The following ANKRD31 variants were observed in gnomAD, a reference collection of about 807,000 sequenced individuals.
ANKRD31 encodes ankyrin repeat domain 31.
ANKRD31 carries 147 observed loss-of-function variants against 186.0 expected under a neutral mutation model. The ratio of observed to expected loss-of-function variants is 0.79; its 90% CI spans 0.69 to 0.91. ANKRD31 has a LOEUF of 0.91. Among genes scored for constraint, ANKRD31 ranks in the 40% least tolerant of loss-of-function variants. ANKRD31 has a pLI of 0.00. For missense variants in ANKRD31, 1,986 were observed against 2,148.8 expected (o/e 0.92, Z 1.50); for synonymous variants, 673 against 736.4 (o/e 0.91, Z 1.39).
At chr5:75,138,271 C>T (rs1479136541) in intron 16 of ANKRD31, among the ~76,000 whole-genome samples, 1 of 152,108 alleles carries the variant, frequency 6.6e-6, no homozygotes, top group Non-Finnish European at 1.5e-5. Flanking sequence ...GTAAATACTA[C>T]TCATTTTGAT....
intron 2 of ANKRD31, among the ~76,000 whole-genome samples, chr5:75,229,939 T>C (rs1757852814): frequency 6.6e-6 from 1 of 151,542 alleles, no homozygotes; most frequent in African/African-American, 2.4e-5. Context: ...AATTTGTATG[T>C]TCTCCCCATG....
chr5:75,129,903 G>C (rs1272968055), intron 17 of ANKRD31, among the ~76,000 whole-genome samples: 1 of 152,158 alleles, frequency 6.6e-6, no homozygotes, highest in Non-Finnish European at 1.5e-5. Flanking sequence ...ATGACAGATG[G>C]TACCTGGAAA....
At chr5:75,212,964 A>G (rs373655841) in intron 3 of ANKRD31, among the ~76,000 whole-genome samples, 38 of 152,230 alleles carry the variant, frequency 2.5e-4, no homozygotes, top group African/African-American at 8.9e-4. Flanking sequence ...TGGGGGCTGG[A>G]GATGTTAATT....
intron 25 of ANKRD31, among the ~76,000 whole-genome samples, chr5:75,074,013 T>C (rs1333004272): frequency 1.3e-5 from 2 of 152,234 alleles, no homozygotes; most frequent in African/African-American, 4.8e-5. Context: ...TTTAGTATTC[T>C]ACAGGCATGG....
rs1361226119 is a variant in ANKRD31 at position 75,147,112 on chromosome 5, G to T, written c.2299C>A (p.Gln767Lys). 2 of 1,536,334 alleles carry T rather than the reference G, an allele frequency of 1.3e-6. No individual in the cohort carries two copies. Among genetic ancestry groups the T allele is most frequent in the South Asian group, 2.4e-5 (2 of 84,032 alleles). ...RRINRLVTYQ[Q>K]HIPETHNDLP... Reference sequence around the variant, plus strand: ...TCATTATGAGTTTCTGGAATATGCTGCTGATAGGTAACCAATCTGTTTATT... The same window carrying T: ...TCATTATGAGTTTCTGGAATATGCTTCTGATAGGTAACCAATCTGTTTATT... The change falls in exon 14 of 26, where the codon CAG becomes AAG. Residue 767 changes from glutamine (Q) to lysine (K), a missense_variant. By Grantham distance (53) the Gln-to-Lys change is moderately conservative. Transcript: ENST00000506364.
intron 10 of ANKRD31, among the ~76,000 whole-genome samples, chr5:75,187,024 T>A (rs1261923904): frequency 2.8e-5 from 3 of 106,930 alleles, no homozygotes; most frequent in Non-Finnish European, 5.1e-5. Context: ...AGACACAGAG[T>A]GTGTGTGTGT....
intron 9 of ANKRD31, 130 bp downstream of exon 9, chr5:75,192,537 A>G (rs1219778758): frequency 1.4e-6 from 1 of 697,394 alleles, no homozygotes. Context: ...TCTGGGAAAA[A>G]CCCTTAACCT....
In ANKRD31 at chr5:75,105,186, A is replaced by C. The variant is rs1366300964; in HGVS notation, c.4373T>G (p.Leu1458Arg). 8 of 1,532,094 alleles carry C rather than the reference A, an allele frequency of 5.2e-6. No individual in the cohort carries two copies. The highest frequency in any genetic ancestry group is 7.0e-6 in the Non-Finnish European group (8 of 1,145,268). 94.9% of individuals were successfully genotyped at this position (1,532,094 alleles called of 1,614,324 possible). A position where few individuals can be genotyped will look rare whatever the true frequency, so the allele number is the denominator to read the frequency against. ...AGCCAAGTTGGCCAATTGTTCTCTC[A>C]GGGCTCCATGCTTAAATGACTCTAT... ...VSIESFKHGA[L>R]REQLANLAAR... The change falls in exon 22 of 26, where the codon CTG becomes CGG. Residue 1458 changes from leucine to arginine, a missense_variant. Coordinates refer to ENST00000506364, the MANE Select transcript of ANKRD31 (RefSeq NM_001372053.1).
At chr5:75,144,497 A>T (rs1408469768) in intron 14 of ANKRD31, among the ~76,000 whole-genome samples, 1 of 152,162 alleles carries the variant, frequency 6.6e-6, no homozygotes, top group East Asian at 1.9e-4. Context: ...TGGGGAAAGG[A>T]TTCCCTATTT....
At chr5:75,122,141 A>G (rs1302394816) in intron 17 of ANKRD31, among the ~76,000 whole-genome samples, 1 of 152,116 alleles carries the variant, frequency 6.6e-6, no homozygotes, top group Non-Finnish European at 1.5e-5. Flanking sequence ...AACTGATACC[A>G]CAGAGATACA....
In ANKRD31 at chr5:75,097,496, T is replaced by C. The variant is rs185496295; in HGVS notation, c.5332-6095A>G. Among the ~76,000 whole-genome samples the C allele has an allele frequency of 1.8e-3, 281 of 152,344 alleles. 1 individual carries two copies. Among genetic ancestry groups the C allele is most frequent in the Middle Eastern group, 0.01 (3 of 294 alleles). On this transcript the variant is annotated intron_variant, in intron 22 of 25. Coordinates refer to ENST00000506364, the MANE Select transcript of ANKRD31 (RefSeq NM_001372053.1). ...GTCTGTTCATATCCTTCACCCACTT[T>C]TTCATGGGGTTGATTTTTTCTTGTA...
chr5:75,176,235 G>A (rs1459489066), intron 10 of ANKRD31, among the ~76,000 whole-genome samples: 1 of 152,208 alleles, frequency 6.6e-6, no homozygotes, highest in East Asian at 1.9e-4. Flanking sequence ...AAGCGGCCAG[G>A]AAGCTCGAAC....
chr5:75,188,626 T>G lies in ANKRD31; in HGVS notation c.1431A>C (p.Ile477=), dbSNP rs188050503. Residue 477 remains isoleucine, a synonymous_variant, in exon 10 of 26, where the codon ATA becomes ATC. Transcript: ENST00000506364. ...GKKEKMKVNK[I]SLHSINRRNI... ...TTCTCCGGTTAATGCTATGAAGAGA[T>G]ATTTTGTTCACCTTCATTTTTTCTG... is the stretch of plus-strand genomic sequence containing the variant. 7.5e-5 allele frequency: 114 copies of G among 1,529,946 alleles called. No individual in the cohort carries two copies. Among genetic ancestry groups the G allele is most frequent in the Admixed American group, 1.0e-4 (5 of 49,470 alleles). The allele number at this position is 1,529,946 out of a possible 1,614,324, so 94.8% of individuals were successfully genotyped here. A position where few individuals can be genotyped will look rare whatever the true frequency, so the allele number is the denominator to read the frequency against.
At chr5:75,083,923 T>C (rs966256050) in intron 24 of ANKRD31, among the ~76,000 whole-genome samples, 4 of 152,216 alleles carry the variant, frequency 2.6e-5, no homozygotes, top group Admixed American at 6.5e-5. Flanking sequence ...GGGTCACATA[T>C]ATTGATTTCA....
chr5:75,107,653 G>A lies in ANKRD31; in HGVS notation c.4244-36C>T, dbSNP rs753762043. On this transcript the variant is annotated intron_variant, in intron 20 of 25. Coordinates refer to ENST00000506364, the MANE Select transcript of ANKRD31 (RefSeq NM_001372053.1). ...GACAATAAAAAGTTAGCTAACTGAGGGAGAGTGAATGTCAAATTTGGTCAT... is the reference window on the plus strand; with the variant it reads ...GACAATAAAAAGTTAGCTAACTGAGAGAGAGTGAATGTCAAATTTGGTCAT... 2.2e-6 allele frequency: 3 copies of A among 1,338,888 alleles called. No homozygotes were observed. In the South Asian group the frequency reaches 4.1e-5, roughly 18 times the overall value. 82.9% of individuals were successfully genotyped at this position (1,338,888 alleles called of 1,614,324 possible).
At chr5:75,191,274 T>C (rs1222538664) in intron 9 of ANKRD31, among the ~76,000 whole-genome samples, 1 of 152,170 alleles carries the variant, frequency 6.6e-6, no homozygotes, top group East Asian at 1.9e-4. Flanking sequence ...TGAGATGCCA[T>C]CTGTATTACA....
intron 22 of ANKRD31, among the ~76,000 whole-genome samples, chr5:75,098,770 C>T (rs532058473): frequency 2.6e-5 from 4 of 152,054 alleles, no homozygotes; most frequent in Admixed American, 2.6e-4. Context: ...GTGATTTTTG[C>T]CCATTGATTT....
At position 75,120,864 on chromosome 5, in the gene ANKRD31, A is replaced by G. The variant is rs182188900; in HGVS notation, c.3877-2567T>C. On this transcript the variant is annotated intron_variant, in intron 17 of 25. Transcript: ENST00000506364. Reference sequence around the variant, plus strand: ...ATGAACCAACTATATGCTGCCCACAAGAAACTCACTTTACTGGTAAAGACA... The same window carrying G: ...ATGAACCAACTATATGCTGCCCACAGGAAACTCACTTTACTGGTAAAGACA... Among the ~76,000 whole-genome samples, 240 of 152,286 alleles carry G rather than the reference A, an allele frequency of 1.6e-3. 1 individual carries two copies. Among genetic ancestry groups the G allele is most frequent in the African/African-American group, 1.5e-3 (64 of 41,574 alleles).
intron 25 of ANKRD31, among the ~76,000 whole-genome samples, chr5:75,072,728 G>A (rs1464775334): frequency 1.3e-5 from 2 of 152,086 alleles, no homozygotes; most frequent in East Asian, 3.9e-4. Context: ...GAGAGATCAC[G>A]AATATTTAAG....
Sources: gnomAD v4.1 joint callset for allele counts (sites outside exome capture counted in the v4.1 genomes callset) on GRCh38, gnomAD v4.1.1 for gene constraint, MANE v1.5 for transcripts, NCBI Gene and HGNC (gene_info 2026-07-23, HGNC 2026-07-21) for gene names.